Variants in IL1RAPL2 observed in about 807,000 individuals in gnomAD.
IL1RAPL2 encodes X-linked interleukin-1 receptor accessory protein-like 2.
Under a neutral mutation model 44.1 loss-of-function variants are expected in IL1RAPL2, and 3 were observed. That is an observed-to-expected ratio of 0.07 (90% CI 0.03 to 0.18). IL1RAPL2 has a LOEUF of 0.18. Ranked by LOEUF, IL1RAPL2 falls within the 10% of genes least tolerant of loss-of-function variation. The pLI is 1.00. For synonymous variants in IL1RAPL2, 181 were observed against 178.8 expected (o/e 1.01, Z -0.10); for missense variants, 391 against 496.4 (o/e 0.79, Z 2.02).
At chrX:105,015,839 A>G (rs2031163476) in intron 2 of IL1RAPL2, among the ~76,000 whole-genome samples, 2 of 111,631 alleles carry the variant, frequency 1.8e-5, no homozygotes, top group South Asian at 7.5e-4. Flanking sequence ...GTTTTTTCCA[A>G]TTCTGTGAAG....
intron 4 of IL1RAPL2, among the ~76,000 whole-genome samples, chrX:105,256,618 C>T (rs993245561): frequency 1.8e-5 from 2 of 111,245 alleles, no homozygotes; most frequent in Non-Finnish European, 3.8e-5. Flanking sequence ...CGTGAGCGAC[C>T]GTGCCTGGCC....
chrX:104,621,036 T>C (rs1929388258), intron 1 of IL1RAPL2, among the ~76,000 whole-genome samples: 2 of 105,714 alleles, frequency 1.9e-5, no homozygotes, highest in African/African-American at 6.8e-5. Flanking sequence ...TAATATTATA[T>C]AGATATAACT....
intron 2 of IL1RAPL2, among the ~76,000 whole-genome samples, chrX:104,963,163 T>C (rs2030041261): frequency 8.9e-6 from 1 of 111,797 alleles, no homozygotes; most frequent in Non-Finnish European, 1.9e-5. Context: ...AGAAGTGAGA[T>C]CTGGATTTAA....
chrX:105,018,739 T>C (rs979229370), intron 2 of IL1RAPL2, among the ~76,000 whole-genome samples: 3 of 111,584 alleles, frequency 2.7e-5, no homozygotes, highest in African/African-American at 9.7e-5. Flanking sequence ...CCATTAGATA[T>C]TTCAAGCCTA....
At chrX:105,473,276 G>T (rs1297923548) in intron 5 of IL1RAPL2, among the ~76,000 whole-genome samples, 1 of 111,499 alleles carries the variant, frequency 9.0e-6, no homozygotes, top group Non-Finnish European at 1.9e-5. Context: ...CATGCATTTG[G>T]CTTGTTGTCA....
At chrX:104,848,421 A>G (rs1602757263) in intron 2 of IL1RAPL2, among the ~76,000 whole-genome samples, 1 of 36,830 alleles carries the variant, frequency 2.7e-5, no homozygotes, top group Non-Finnish European at 6.6e-5. Flanking sequence ...ATATATATAT[A>G]TATATATATA....
At chrX:105,129,815 C>A (rs1394971079) in intron 2 of IL1RAPL2, among the ~76,000 whole-genome samples, 1 of 110,494 alleles carries the variant, frequency 9.1e-6, no homozygotes, top group African/African-American at 3.3e-5. Context: ...AAAGCTTGGG[C>A]AACTCTTCTG....
intron 1 of IL1RAPL2, among the ~76,000 whole-genome samples, chrX:104,600,514 T>G (rs1363871268): frequency 9.0e-6 from 1 of 110,957 alleles, no homozygotes; most frequent in Non-Finnish European, 1.9e-5. Flanking sequence ...TTGCTATTTT[T>G]AATTTTTTTT....
In IL1RAPL2 at chrX:104,926,284, A is replaced by T. The variant is rs1027627914; in HGVS notation, c.82+267289A>T. Among the ~76,000 whole-genome samples, 7 of 112,280 alleles carry T rather than the reference A, an allele frequency of 6.2e-5. No individual in the cohort carries two copies. In the Admixed American group the frequency reaches 6.6e-4, roughly 11 times the overall value. On this transcript the variant is annotated intron_variant, in intron 2 of 10. Transcript: ENST00000372582. Reference sequence around the variant, plus strand: ...CTGAACTGCTTGAGATGTACTAGATATGTTATTCAAATTTAGGTGTATTTC... The same window carrying T: ...CTGAACTGCTTGAGATGTACTAGATTTGTTATTCAAATTTAGGTGTATTTC...
At chrX:104,910,086 G>T (rs747812711) in intron 2 of IL1RAPL2, among the ~76,000 whole-genome samples, 4 of 112,434 alleles carry the variant, frequency 3.6e-5, no homozygotes, top group Non-Finnish European at 7.5e-5. Flanking sequence ...TCGGAAAAGC[G>T]CAGTATTCGG....
chrX:104,632,320 T>C (rs929042384), intron 1 of IL1RAPL2, among the ~76,000 whole-genome samples: 3 of 111,494 alleles, frequency 2.7e-5, no homozygotes, highest in African/African-American at 9.8e-5. Context: ...GACTTGGCGA[T>C]GCGGGCTCTT....
intron 2 of IL1RAPL2, among the ~76,000 whole-genome samples, chrX:104,829,837 T>C (rs773491303): frequency 7.1e-5 from 8 of 112,353 alleles, no homozygotes; most frequent in African/African-American, 2.6e-4. Context: ...TATTGACACT[T>C]AGTGCATGGA....
intron 5 of IL1RAPL2, among the ~76,000 whole-genome samples, chrX:105,354,624 A>T (rs2035186711): frequency 9.1e-6 from 1 of 109,996 alleles, no homozygotes; most frequent in Non-Finnish European, 1.9e-5. Context: ...CACATTGTGC[A>T]CATGTACCCT....
chrX:105,465,682 G>A (rs1231481568), intron 5 of IL1RAPL2, among the ~76,000 whole-genome samples: 2 of 111,646 alleles, frequency 1.8e-5, no homozygotes, highest in Non-Finnish European at 3.8e-5. Context: ...GAATACTCAG[G>A]AAGCAAATTT....
At chrX:104,619,463 G>A (rs927562139) in intron 1 of IL1RAPL2, among the ~76,000 whole-genome samples, 10 of 111,851 alleles carry the variant, frequency 8.9e-5, no homozygotes, top group Admixed American at 6.6e-4. Context: ...ACATGCTGGA[G>A]CTTCACTCAC....
Position 105,681,872 on chromosome X carries a change from A to G in IL1RAPL2, c.773-35495A>G, listed in dbSNP as rs777706482. Among the ~76,000 whole-genome samples the G allele has an allele frequency of 3.6e-5, 4 of 112,192 alleles. 1 individual carries two copies. The South Asian group carries it at 1.5e-3, about 41-fold the overall frequency. Reference sequence around the variant, plus strand: ...GTACCTGTTGTAATCCTTTTCCATGAGGCTCTGAGACAGTCATCCTTTTTT... The same window carrying G: ...GTACCTGTTGTAATCCTTTTCCATGGGGCTCTGAGACAGTCATCCTTTTTT... On this transcript the variant is annotated intron_variant, in intron 6 of 10. Coordinates refer to ENST00000372582, the MANE Select transcript of IL1RAPL2 (RefSeq NM_017416.2).
At chrX:105,267,365 A>T (rs1196378654) in intron 4 of IL1RAPL2, 23 bp from the exon 5 acceptor site, 2 of 1,175,579 alleles carry the variant, frequency 1.7e-6, no homozygotes, top group Admixed American at 5.1e-5. Flanking sequence ...TTTTTTGCTT[A>T]CTTGCAAATA....
At chrX:105,269,410 A>T (rs1409079725) in intron 5 of IL1RAPL2, among the ~76,000 whole-genome samples, 2 of 110,646 alleles carry the variant, frequency 1.8e-5, no homozygotes, top group African/African-American at 6.5e-5. Flanking sequence ...AAACTAATAT[A>T]TAATATACAT....
At chrX:104,996,246 T>A (rs1198421272) in intron 2 of IL1RAPL2, among the ~76,000 whole-genome samples, 3 of 111,915 alleles carry the variant, frequency 2.7e-5, no homozygotes, top group African/African-American at 9.7e-5. Context: ...TTGCTGCATG[T>A]TATTCAATGT....
Sources: allele counts gnomAD v4.1 joint callset (sites outside exome capture counted in the v4.1 genomes callset), GRCh38; gene constraint gnomAD v4.1.1; transcripts MANE v1.5; gene names NCBI Gene and HGNC (gene_info 2026-07-23, HGNC 2026-07-21).